The following ZC3H13 variants were observed in gnomAD, a reference collection of about 807,000 sequenced individuals.
ZC3H13 encodes the protein zinc finger CCCH-type containing 13.
Under a neutral mutation model 204.1 loss-of-function variants are expected in ZC3H13, and 64 were observed. The observed-to-expected ratio is 0.31, with a 90% confidence interval of 0.26 to 0.39. The LOEUF (loss-of-function observed/expected upper bound fraction) is 0.39. ZC3H13 is among the 10% of genes least tolerant of loss of function. The pLI is 1.00. For missense variants in ZC3H13, 1,833 were observed against 2,082.7 expected (o/e 0.88, Z 2.33); for synonymous variants, 667 against 693.7 (o/e 0.96, Z 0.60).
At chr13:46,022,717 ATTT>A in intron 4 of ZC3H13, among the ~76,000 whole-genome samples, 1 of 142,914 alleles carries the variant, frequency 7.0e-6, no homozygotes, top group African/African-American at 2.6e-5. Flanking sequence ...AGAGTTCAGA[ATTT>A]TTTTTTTTTT....
intron 8 of ZC3H13, among the ~76,000 whole-genome samples, chr13:45,997,011 G>C (rs2040387457): frequency 6.6e-6 from 1 of 152,212 alleles, no homozygotes; most frequent in Non-Finnish European, 1.5e-5. Context: ...ATTCTCTGTA[G>C]AGTAGGTCAC....
chr13:46,010,864 T>C (rs9534279), intron 6 of ZC3H13, among the ~76,000 whole-genome samples: 113,970 of 151,942 alleles, frequency 0.75, 43,235 homozygotes, highest in African/African-American at 0.85. Context: ...GCCTGGGTAA[T>C]AGAGAAAGAT....
rs1951294350 is a variant in ZC3H13, at chr13:45,956,718, A to G, written c.*409T>C. ...GTACAACATAGTACTGCACAATGTG[A>G]GCAATTACTTTGATGAACACATTGT... On this transcript the variant is annotated 3_prime_UTR_variant, in exon 19 of 19. Coordinates refer to ENST00000679008, the MANE Select transcript of ZC3H13 (RefSeq NM_001330564.2). 6.5e-6 allele frequency: 1 copy of G among 154,062 alleles called. No homozygotes were observed. Among genetic ancestry groups the G allele is most frequent in the African/African-American group, 2.4e-5 (1 of 41,492 alleles). 9.5% of individuals were successfully genotyped at this position (154,062 alleles called of 1,614,324 possible). A position where few individuals can be genotyped will look rare whatever the true frequency, so the allele number is the denominator to read the frequency against.
chr13:45,991,434 T>C (rs1454216978), intron 8 of ZC3H13, among the ~76,000 whole-genome samples: 1 of 152,200 alleles, frequency 6.6e-6, no homozygotes, highest in Non-Finnish European at 1.5e-5. Context: ...TCATATTTTC[T>C]TTTTACTCAA....
At chr13:45,963,482 C>T in intron 17 of ZC3H13, 1 of 1,021,972 alleles carries the variant, frequency 9.8e-7, no homozygotes, top group Non-Finnish European at 1.2e-6. Context: ...AGTGTGGTGG[C>T]TCAATCATGG....
chr13:46,020,924 T>C (rs939927950), intron 4 of ZC3H13, among the ~76,000 whole-genome samples: 1 of 152,036 alleles, frequency 6.6e-6, no homozygotes, highest in African/African-American at 2.4e-5. Context: ...AGCTACACAG[T>C]AAGTTTCCAC....
At chr13:45,965,518 A>C in intron 15 of ZC3H13, 86 bp from the exon 16 acceptor site, 2 of 1,243,814 alleles carry the variant, frequency 1.6e-6, no homozygotes, top group Non-Finnish European at 2.1e-6. Flanking sequence ...GGGTACACAC[A>C]TTATAACAAT....
At chr13:46,042,796 CT>C (rs2043681729) in intron 3 of ZC3H13, among the ~76,000 whole-genome samples, 1 of 151,906 alleles carries the variant, frequency 6.6e-6, no homozygotes, top group Non-Finnish European at 1.5e-5. Context: ...ACATCAATAA[CT>C]GAGAAAATAT....
intron 8 of ZC3H13, among the ~76,000 whole-genome samples, chr13:46,000,149 G>A (rs1354131851): frequency 6.6e-6 from 1 of 152,170 alleles, no homozygotes; most frequent in Admixed American, 6.5e-5. Flanking sequence ...TGGTAAATGA[G>A]CACTGGCTTC....
chr13:46,028,110 T>C (rs937907866), intron 4 of ZC3H13, among the ~76,000 whole-genome samples: 8 of 151,984 alleles, frequency 5.3e-5, no homozygotes, highest in Admixed American at 5.2e-4. Flanking sequence ...CATATATTAA[T>C]AGATTAAAAG....
chr13:46,052,603 C>T lies in ZC3H13; in HGVS notation c.-209G>A. ...GGGATGGCTGAGAAGCAGAACCAAC[C>T]CGCCCGCCGCCTCTCCAGGGTCAAG... is the stretch of plus-strand genomic sequence containing the variant. On this transcript the variant is annotated 5_prime_UTR_variant, in exon 1 of 19. Transcript: ENST00000679008. 5.0e-6 allele frequency: 2 copies of T among 398,732 alleles called. No homozygotes were observed. The highest frequency in any genetic ancestry group is 4.4e-6 in the Non-Finnish European group (1 of 226,170). 24.7% of individuals were successfully genotyped at this position (398,732 alleles called of 1,614,324 possible). A position where few individuals can be genotyped will look rare whatever the true frequency, so the allele number is the denominator to read the frequency against.
intron 7 of ZC3H13, among the ~76,000 whole-genome samples, chr13:46,008,590 A>C (rs1337312298): frequency 6.6e-6 from 1 of 152,172 alleles, no homozygotes; most frequent in Non-Finnish European, 1.5e-5. Flanking sequence ...ATAGTTATCA[A>C]AACTTTCTAT....
chr13:45,999,830 AAG>A (rs56168960), intron 8 of ZC3H13, among the ~76,000 whole-genome samples: 113,890 of 151,974 alleles, frequency 0.75, 43,167 homozygotes, highest in African/African-American at 0.85. Flanking sequence ...TTTTTTAAAT[AAG>A]ACTCAAAAGT....
intron 10 of ZC3H13, among the ~76,000 whole-genome samples, chr13:45,982,458 TGAG>T (rs1953726120): frequency 1.3e-5 from 2 of 151,804 alleles, no homozygotes; most frequent in African/African-American, 2.4e-5. Flanking sequence ...GAAGATACAA[TGAG>T]GAGATTTAAT....
At chr13:46,017,310 A>G (rs182124626) in intron 5 of ZC3H13, among the ~76,000 whole-genome samples, 81 of 152,260 alleles carry the variant, frequency 5.3e-4, no homozygotes, top group Middle Eastern at 3.4e-3. Flanking sequence ...GACTATTTCT[A>G]TAACACTACA....
chr13:46,004,166 T>C (rs571131362), intron 7 of ZC3H13, among the ~76,000 whole-genome samples: 240 of 150,050 alleles, frequency 1.6e-3, no homozygotes, highest in African/African-American at 5.7e-3. Context: ...GTGTGTCACA[T>C]ACATTCATGG....
intron 11 of ZC3H13, 71 bp from the exon 12 acceptor site, chr13:45,975,909 T>C: frequency 1.4e-6 from 2 of 1,409,944 alleles, no homozygotes; most frequent in Non-Finnish European, 1.8e-6. Context: ...GCATGGTAAA[T>C]CTTAAATTTT....
At chr13:45,958,582 C>T (rs886957208) in intron 18 of ZC3H13, among the ~76,000 whole-genome samples, 1 of 151,638 alleles carries the variant, frequency 6.6e-6, no homozygotes, top group Non-Finnish European at 1.5e-5. Flanking sequence ...TCAAAAGCTT[C>T]GGATTAGGAA....
chr13:46,047,465 C>T (rs1321244439), intron 1 of ZC3H13, among the ~76,000 whole-genome samples: 3 of 152,150 alleles, frequency 2.0e-5, no homozygotes, highest in Admixed American at 2.0e-4. Context: ...GAACTACACA[C>T]CAATTCTACA....
Sources: allele counts gnomAD v4.1 joint callset (sites outside exome capture counted in the v4.1 genomes callset), GRCh38; gene constraint gnomAD v4.1.1; transcripts MANE v1.5; gene names NCBI Gene and HGNC (gene_info 2026-07-23, HGNC 2026-07-21).